The following CNOT1 variants were observed in gnomAD, a reference collection of about 807,000 sequenced individuals.
The protein encoded by CNOT1 is CCR4-associated factor 1.
CNOT1 carries 15 observed loss-of-function variants against 273.8 expected under a neutral mutation model. The observed-to-expected ratio is 0.05, with a 90% CI of 0.04 to 0.08. CNOT1 has a LOEUF of 0.08. CNOT1 is among the 10% of genes least tolerant of loss of function. The probability of loss-of-function intolerance (pLI) is 1.00; values close to 1 mark genes in which losing one functional copy is unlikely to be tolerated. For missense variants in CNOT1, 1,644 were observed against 2,912.2 expected (o/e 0.56, Z 10.02); for synonymous variants, 1,022 against 1,005.5 (o/e 1.02, Z -0.31).
At chr16:58,537,756 C>T in intron 38 of CNOT1, 135 bp downstream of exon 38, 1 of 1,197,134 alleles carries the variant, frequency 8.4e-7, no homozygotes, top group Non-Finnish European at 1.2e-6. Flanking sequence ...AATATTAGCC[C>T]TTACCAAAGC....
intron 16 of CNOT1, among the ~76,000 whole-genome samples, chr16:58,567,125 A>G (rs2041072757): frequency 6.6e-6 from 1 of 152,082 alleles, no homozygotes; most frequent in South Asian, 2.1e-4. Context: ...CATGCACTGT[A>G]CTTCAGACTG....
chr16:58,575,099 A>G lies in CNOT1; in HGVS notation c.1735T>C (p.Phe579Leu), dbSNP rs781577242. 6.2e-7 allele frequency: 1 copy of G among 1,614,130 alleles called. No individual in the cohort carries two copies. Among genetic ancestry groups the G allele is most frequent in the Admixed American group, 1.7e-5 (1 of 60,022 alleles). ...GCAGCAAGGTCAATAACAAAGGCAAATGGAGTACCATTTAGCAGCATTGAC... is the reference window on the plus strand; with the variant it reads ...GCAGCAAGGTCAATAACAAAGGCAAGTGGAGTACCATTTAGCAGCATTGAC... ...ALSMLLNGTP[F>L]AFVIDLAALA... The change falls in exon 15 of 49, where the codon TTT (phenylalanine) becomes CTT (leucine). Residue 579 changes from phenylalanine to leucine, a missense_variant. Around this residue, in one of 13 missense-constraint regions of CNOT1, gnomAD observed 706 missense variants for 1,021.2 expected, o/e 0.69. Transcript: ENST00000317147.
At chr16:58,521,604 A>G (rs1312703908) in intron 47 of CNOT1, among the ~76,000 whole-genome samples, 1 of 152,226 alleles carries the variant, frequency 6.6e-6, no homozygotes, top group Non-Finnish European at 1.5e-5. Context: ...AGGAAGCCAC[A>G]TAAAGCCCAG....
chr16:58,588,717 T>C, intron 3 of CNOT1, 82 bp downstream of exon 3: 5 of 1,509,374 alleles, frequency 3.3e-6, no homozygotes, highest in Non-Finnish European at 4.5e-6. Context: ...ATTTTGTACG[T>C]GTCATATGCT....
At chr16:58,552,765 T>A (rs545982936) in intron 22 of CNOT1, among the ~76,000 whole-genome samples, 2 of 152,328 alleles carry the variant, frequency 1.3e-5, no homozygotes, top group East Asian at 3.9e-4. Context: ...GCCTACTGCA[T>A]GTTAAAAATA....
At chr16:58,571,069 T>C (rs577978526) in intron 16 of CNOT1, among the ~76,000 whole-genome samples, 75 of 152,116 alleles carry the variant, frequency 4.9e-4, no homozygotes, top group African/African-American at 1.8e-3. Flanking sequence ...AGAGACCTAC[T>C]TCAAATTAAG....
intron 1 of CNOT1, among the ~76,000 whole-genome samples, chr16:58,616,870 T>C (rs2043105099): frequency 6.6e-6 from 1 of 152,168 alleles, no homozygotes; most frequent in Admixed American, 6.6e-5. Flanking sequence ...ACTAAAATAA[T>C]TTTAAGTGTC....
At chr16:58,623,146 C>T (rs562087221) in intron 1 of CNOT1, 18 of 151,782 alleles carry the variant, frequency 1.2e-4, no homozygotes, top group African/African-American at 2.4e-4. Context: ...TGCAGTGAGC[C>T]GATATCGCGC....
chr16:58,557,049 TTCACATC>T, intron 18 of CNOT1, 56 bp from the exon 19 acceptor site: 1 of 1,589,076 alleles, frequency 6.3e-7, no homozygotes, highest in Non-Finnish European at 8.5e-7. Flanking sequence ...CTTGATTTTA[TTCACATC>T]TCAGATATAT....
chr16:58,600,219 G>C (rs2042411821), intron 1 of CNOT1, among the ~76,000 whole-genome samples: 1 of 152,050 alleles, frequency 6.6e-6, no homozygotes, highest in Non-Finnish European at 1.5e-5. Context: ...ATGGTGGCGA[G>C]TGCCTGTAAT....
At chr16:58,545,613 A>ACCC in intron 29 of CNOT1, 122 bp from the exon 30 acceptor site, 1 of 1,466,552 alleles carries the variant, frequency 6.8e-7, no homozygotes, top group Non-Finnish European at 9.1e-7. Context: ...AGAGGAGGGA[A>ACCC]GGATGTAGCA....
intron 2 of CNOT1, among the ~76,000 whole-genome samples, chr16:58,592,658 C>T (rs1176170622): frequency 6.6e-6 from 1 of 152,162 alleles, no homozygotes; most frequent in African/African-American, 2.4e-5. Context: ...ATTCAGATTT[C>T]TCTTTGAAAC....
chr16:58,628,676 C>T (rs1597641099), intron 1 of CNOT1, among the ~76,000 whole-genome samples: 1 of 151,064 alleles, frequency 6.6e-6, no homozygotes, highest in Non-Finnish European at 1.5e-5. Context: ...AGCATTGTTA[C>T]TCAGTTTTCA....
chr16:58,601,433 C>A (rs558259086), intron 1 of CNOT1, among the ~76,000 whole-genome samples: 2 of 152,212 alleles, frequency 1.3e-5, no homozygotes, highest in South Asian at 4.1e-4. Flanking sequence ...CCAAGAACCA[C>A]TGAAACACAA....
chr16:58,546,735 T>C lies in CNOT1; in HGVS notation c.3765A>G (p.Pro1255=), dbSNP rs760088656. 9 of 1,613,852 alleles carry C rather than the reference T, an allele frequency of 5.6e-6. No individual in the cohort carries two copies. Among genetic ancestry groups the C allele is most frequent in the Non-Finnish European group, 6.8e-6 (8 of 1,179,924 alleles). ...TCATAATTGCCATTGTCCAAGGGTT[T>C]GGTGGCCTAAAAACCTAAAGAAAAG... The part of the protein sequence containing the change: ...SSIRSVVFRP[P]NPWTMAIMNV... Residue 1255 remains proline (P), a synonymous_variant, in exon 28 of 49, where the codon CCA becomes CCG. Coordinates refer to ENST00000317147, the MANE Select transcript of CNOT1 (RefSeq NM_016284.5).
chr16:58,608,681 C>T (rs1464987891), intron 1 of CNOT1, among the ~76,000 whole-genome samples: 1 of 152,100 alleles, frequency 6.6e-6, no homozygotes, highest in Non-Finnish European at 1.5e-5. Flanking sequence ...TACAGCAGCA[C>T]AATTCGCAAT....
At chr16:58,542,707 T>C in intron 31 of CNOT1, 139 bp from the exon 32 acceptor site, 1 of 1,312,364 alleles carries the variant, frequency 7.6e-7, no homozygotes. Flanking sequence ...ATGAACAAGC[T>C]GTGATCTTGA....
Position 58,542,521 on chromosome 16 carries a change from T to C in CNOT1, c.4482A>G (p.Gln1494=), listed in dbSNP as rs377125890. ...CCAACTCACAATTGTCCTGAGCTAA[T>C]TGAGCAGCTGCCTGATCCATCATTT... is the stretch of plus-strand genomic sequence containing the variant. ...QREMMDQAAA[Q]LAQDNCELAC... The change falls in exon 32 of 49, where the codon CAA becomes CAG. Residue 1494 remains glutamine (Q), a synonymous_variant. Coordinates refer to ENST00000317147, the MANE Select transcript of CNOT1 (RefSeq NM_016284.5). 7.9e-5 allele frequency: 125 copies of C among 1,578,090 alleles called. No homozygotes were observed. Among genetic ancestry groups the C allele is most frequent in the Middle Eastern group, 1.7e-4 (1 of 5,900 alleles).
chr16:58,547,396 G>A lies in CNOT1; in HGVS notation c.3640-100C>T. ...TTTTGCCAAGCTTATCCCCAAAACA[G>A]GAATCAACATAATGTCTAGTCCTTG... On this transcript the variant is annotated intron_variant, in intron 26 of 48. Coordinates refer to ENST00000317147, the MANE Select transcript of CNOT1 (RefSeq NM_016284.5). This position sits in a 1 kb window ranked among gnomAD's most constrained non-coding sequence, Gnocchi z 4.0. 1.9e-6 allele frequency: 3 copies of A among 1,552,456 alleles called. No individual in the cohort carries two copies. Among genetic ancestry groups the A allele is most frequent in the Non-Finnish European group, 2.6e-6 (3 of 1,146,588 alleles).
Sources: allele counts gnomAD v4.1 joint callset (sites outside exome capture counted in the v4.1 genomes callset), GRCh38; gene constraint gnomAD v4.1.1; regional missense constraint gnomAD v4.1.1; non-coding constraint Gnocchi (gnomAD v3.1); transcripts MANE v1.5; gene names NCBI Gene and HGNC (gene_info 2026-07-23, HGNC 2026-07-21).